THEMIS: variants seen among roughly 807,000 people sequenced by gnomAD.
THEMIS encodes thymocyte selection associated.
THEMIS carries 37 observed loss-of-function variants against 52.6 expected under a neutral mutation model. The ratio of observed to expected loss-of-function variants is 0.70; its 90% CI spans 0.54 to 0.93. The LOEUF (loss-of-function observed/expected upper bound fraction) is 0.93. THEMIS is among the 40% of genes least tolerant of loss of function. The pLI is 0.00. For synonymous variants in THEMIS, 292 were observed against 272.7 expected, an observed-to-expected ratio of 1.07 and a Z score of -0.70; for missense variants, 808 against 763.1, an observed-to-expected ratio of 1.06 and a Z score of -0.69.
At chr6:127,836,065 T>C (rs745851229) in intron 2 of THEMIS, among the ~76,000 whole-genome samples, 2 of 152,144 alleles carry the variant, frequency 1.3e-5, no homozygotes, top group Non-Finnish European at 2.9e-5. Context: ...AACAGCAAAA[T>C]GCCAAGGCAT....
intron 4 of THEMIS, among the ~76,000 whole-genome samples, chr6:127,734,896 A>AAAAAT (rs1554216674): frequency 1.2e-4 from 8 of 65,430 alleles, no homozygotes; most frequent in African/African-American, 4.4e-4. Flanking sequence ...AAAAAAAAAA[A>AAAAAT]ATATATATAT....
At chr6:127,737,191 T>G (rs1775039402) in intron 4 of THEMIS, among the ~76,000 whole-genome samples, 1 of 152,176 alleles carries the variant, frequency 6.6e-6, no homozygotes, top group Non-Finnish European at 1.5e-5. Flanking sequence ...AGCAGTGTCA[T>G]TATATCTATG....
In THEMIS at chr6:127,813,335, C is replaced by A. The variant is rs750593313; in HGVS notation, c.1306G>T (p.Glu436Ter). The A allele has an allele frequency of 1.8e-5, 29 of 1,614,034 alleles. No homozygotes were observed. The Admixed American group carries it at 4.0e-4, about 22-fold the overall frequency. The change falls in exon 4 of 6, where the codon GAG (glutamate) becomes TAG (stop). Residue 436 changes from glutamate (E) to a stop codon, truncating the protein, a stop_gained. Transcript: ENST00000368248. LOFTEE classifies it high-confidence loss of function. ...TACTGTTTCTTATCATGAATCACCT[C>A]TACAAAACCTCCTTCCATGTACAAA... Reference protein sequence around the residue: ...LPLYMEGGFVEVIHDKKQYPI... With the variant: ...LPLYMEGGFV
intron 4 of THEMIS, among the ~76,000 whole-genome samples, chr6:127,789,094 G>T (rs982938003): frequency 6.6e-6 from 1 of 152,036 alleles, no homozygotes; most frequent in African/African-American, 2.4e-5. Context: ...TACAGGAGCT[G>T]ATTTTTTGAA....
chr6:127,815,065 C>T (rs1246208062), intron 3 of THEMIS, among the ~76,000 whole-genome samples: 3 of 152,110 alleles, frequency 2.0e-5, no homozygotes, highest in East Asian at 1.9e-4. Flanking sequence ...GTGGGAAGAT[C>T]GCTTGAGCCT....
upstream of THEMIS, among the ~76,000 whole-genome samples, chr6:127,902,484 A>G (rs570628037): frequency 6.6e-6 from 1 of 152,160 alleles, no homozygotes; most frequent in South Asian, 2.1e-4. Context: ...ACAGAGGGTC[A>G]GGGGACATCT....
At chr6:127,778,521 C>T (rs1004722624) in intron 4 of THEMIS, among the ~76,000 whole-genome samples, 26 of 152,050 alleles carry the variant, frequency 1.7e-4, no homozygotes, top group Non-Finnish European at 2.4e-4. Flanking sequence ...TGATTATAGA[C>T]GCCGCCTCTT....
chr6:127,855,215 CT>C (rs1779579259), intron 1 of THEMIS, 27 bp from the exon 2 acceptor site: 3 of 1,548,112 alleles, frequency 1.9e-6, no homozygotes, highest in South Asian at 1.2e-5. Context: ...GTTAAAACAG[CT>C]TTTTAAAAAG....
Position 127,858,121 on chromosome 6 carries a change from C to A in THEMIS, c.92-2933G>T, listed in dbSNP as rs192762660. ...TTCTTTTAAAGGTTCAATTGGAATT[C>A]AAAATAAAAAGATAAATTTATGTGA... On this transcript the variant is annotated intron_variant, in intron 1 of 5. Coordinates refer to ENST00000368248, the MANE Select transcript of THEMIS (RefSeq NM_001010923.3). Among the ~76,000 whole-genome samples, 58 of 151,824 alleles carry A rather than the reference C, an allele frequency of 3.8e-4. 1 individual carries two copies. In the East Asian group the frequency reaches 7.4e-3, roughly 19 times the overall value.
chr6:127,868,730 G>T (rs895405788), intron 1 of THEMIS, among the ~76,000 whole-genome samples: 1 of 152,246 alleles, frequency 6.6e-6, no homozygotes, highest in East Asian at 1.9e-4. Context: ...TAATGGAGAC[G>T]ATAAGCTGTT....
the THEMIS span, among the ~76,000 whole-genome samples, chr6:127,697,211 T>C: frequency 3.9e-5 from 6 of 152,198 alleles, no homozygotes; most frequent in Non-Finnish European, 8.8e-5. Context: ...TAACTCCATT[T>C]GAATGGACCA....
At chr6:127,741,477 C>G (rs1285788216) in intron 4 of THEMIS, among the ~76,000 whole-genome samples, 2 of 151,976 alleles carry the variant, frequency 1.3e-5, no homozygotes, top group South Asian at 4.2e-4. Context: ...AATAAAGATG[C>G]AAAAATAAAC....
chr6:127,789,374 C>T (rs1004469735), intron 4 of THEMIS, among the ~76,000 whole-genome samples: 44 of 152,152 alleles, frequency 2.9e-4, no homozygotes, highest in African/African-American at 1.0e-3. Flanking sequence ...GAAATTAAGG[C>T]AGTAATTAAT....
chr6:127,752,364 T>G (rs1775673837), intron 4 of THEMIS, among the ~76,000 whole-genome samples: 2 of 43,318 alleles, frequency 4.6e-5, no homozygotes, highest in Admixed American at 1.7e-4. Context: ...AAACGAAGAG[T>G]TTTTTTTTTT....
chr6:127,837,757 G>A (rs935180453), intron 2 of THEMIS, among the ~76,000 whole-genome samples: 2 of 151,920 alleles, frequency 1.3e-5, no homozygotes, highest in African/African-American at 4.8e-5. Flanking sequence ...TATATACAGA[G>A]AGATAAAAAT....
intron 1 of THEMIS, among the ~76,000 whole-genome samples, chr6:127,873,876 G>A (rs1780233421): frequency 1.3e-5 from 2 of 152,140 alleles, no homozygotes; most frequent in Non-Finnish European, 1.5e-5. Flanking sequence ...TCATAGTATT[G>A]CATTTATTGA....
intron 1 of THEMIS, among the ~76,000 whole-genome samples, chr6:127,899,070 T>C (rs1465984521): frequency 6.6e-6 from 1 of 151,806 alleles, no homozygotes; most frequent in Non-Finnish European, 1.5e-5. Context: ...AGGGTGACTA[T>C]AGCTAAAAAT....
chr6:127,886,095 A>T (rs572171106), intron 1 of THEMIS, among the ~76,000 whole-genome samples: 1 of 152,116 alleles, frequency 6.6e-6, no homozygotes, highest in South Asian at 2.1e-4. Flanking sequence ...ATAACATCCC[A>T]ACACCTTCCT....
At chr6:127,914,758 C>A (rs989541348) in intron 1 of THEMIS, among the ~76,000 whole-genome samples, 3 of 152,148 alleles carry the variant, frequency 2.0e-5, no homozygotes, top group Non-Finnish European at 4.4e-5. Context: ...TGACATTTGC[C>A]GCCTTTGTTC....
Sources: allele counts gnomAD v4.1 joint callset (sites outside exome capture counted in the v4.1 genomes callset), GRCh38; gene constraint gnomAD v4.1.1; transcripts MANE v1.5; gene names NCBI Gene and HGNC (gene_info 2026-07-23, HGNC 2026-07-21).